Variants in MGLL observed in about 807,000 individuals in gnomAD.
The protein encoded by MGLL is lysophospholipase homolog.
A neutral mutation model predicts 29.1 loss-of-function variants in MGLL; 7 were observed. That is an observed-to-expected ratio of 0.24 (90% CI 0.14 to 0.45). MGLL has a LOEUF of 0.45. MGLL is among the 20% of genes least tolerant of loss of function. The pLI is 0.99. For synonymous variants in MGLL, 148 were observed against 168.3 expected (o/e 0.88, Z 0.93); for missense variants, 356 against 413.6 (o/e 0.86, Z 1.21).
chr3:127,737,892 C>G (rs191181090), intron 3 of MGLL, among the ~76,000 whole-genome samples: 1 of 152,050 alleles, frequency 6.6e-6, no homozygotes, highest in East Asian at 1.9e-4. Flanking sequence ...GATCCCCTGC[C>G]CTAGTCTGGA....
At chr3:127,788,601 G>A (rs2077252247) in intron 2 of MGLL, among the ~76,000 whole-genome samples, 3 of 152,096 alleles carry the variant, frequency 2.0e-5, no homozygotes, top group Non-Finnish European at 4.4e-5. Context: ...AAGACGTGTG[G>A]TTCCTCCACA....
chr3:127,727,424 T>C (rs2076066281), intron 3 of MGLL, among the ~76,000 whole-genome samples: 2 of 152,224 alleles, frequency 1.3e-5, no homozygotes, highest in African/African-American at 2.4e-5. Context: ...TATAAATCAA[T>C]GTTCTGGCTA....
intron 2 of MGLL, among the ~76,000 whole-genome samples, chr3:127,819,375 GAT>G (rs1231441862): frequency 6.6e-6 from 1 of 152,184 alleles, no homozygotes; most frequent in African/African-American, 2.4e-5. Context: ...TGCATAATAA[GAT>G]ATCCACAGGC....
intron 2 of MGLL, among the ~76,000 whole-genome samples, chr3:127,811,591 T>A (rs2077663764): frequency 2.0e-5 from 3 of 152,248 alleles, no homozygotes; most frequent in Admixed American, 2.0e-4. Context: ...CTTCACATAC[T>A]GCCTCTGGGC....
chr3:127,705,776 CAAA>C (rs36125403), intron 6 of MGLL, among the ~76,000 whole-genome samples: 5 of 112,468 alleles, frequency 4.4e-5, no homozygotes, highest in South Asian at 2.9e-4. Context: ...AACTCCATCT[CAAA>C]AAAAAAAAAA....
chr3:127,797,748 T>C (rs1289518685), intron 2 of MGLL, among the ~76,000 whole-genome samples: 3 of 152,116 alleles, frequency 2.0e-5, no homozygotes, highest in Non-Finnish European at 4.4e-5. Context: ...GCTGGGACTA[T>C]AGGCGCGAGC....
chr3:127,807,439 C>G (rs1490649957), intron 2 of MGLL, among the ~76,000 whole-genome samples: 2 of 151,958 alleles, frequency 1.3e-5, no homozygotes, highest in Non-Finnish European at 2.9e-5. Context: ...TTTATTTCCT[C>G]TATTGTTTTC....
intron 6 of MGLL, among the ~76,000 whole-genome samples, chr3:127,703,087 C>T (rs75550900): frequency 0.05 from 7,561 of 152,256 alleles, 219 homozygotes; most frequent in East Asian, 0.12. Context: ...CATAGCCCCG[C>T]CCCACCACTG....
At chr3:127,792,174 C>A (rs2107724339) in intron 2 of MGLL, among the ~76,000 whole-genome samples, 1 of 152,364 alleles carries the variant, frequency 6.6e-6, no homozygotes, top group South Asian at 2.1e-4. Context: ...ATCTATCAAT[C>A]TGGCTTTCAG....
intron 2 of MGLL, among the ~76,000 whole-genome samples, chr3:127,792,111 C>T (rs972273638): frequency 4.6e-5 from 7 of 152,226 alleles, no homozygotes; most frequent in African/African-American, 1.7e-4. Flanking sequence ...CCCCCAGAGG[C>T]CACTCACTAA....
At chr3:127,714,351 T>C (rs188309142) in intron 5 of MGLL, among the ~76,000 whole-genome samples, 327 of 152,270 alleles carry the variant, frequency 2.1e-3, no homozygotes, top group Non-Finnish European at 1.4e-3. Flanking sequence ...TGACTTCCAC[T>C]GCATGCATCC....
intron 5 of MGLL, 51 bp from the exon 6 acceptor site, chr3:127,710,716 C>G: frequency 7.0e-7 from 1 of 1,433,334 alleles, no homozygotes; most frequent in East Asian, 2.5e-5. Context: ...CATCCACACC[C>G]GGCTCTTCCG....
intron 6 of MGLL, among the ~76,000 whole-genome samples, chr3:127,701,997 A>T (rs947526852): frequency 5.3e-5 from 8 of 152,150 alleles, no homozygotes; most frequent in African/African-American, 1.4e-4. Context: ...CAGAGCTGTG[A>T]TAGCAACAGC....
At chr3:127,760,479 C>T (rs2076742680) in intron 3 of MGLL, among the ~76,000 whole-genome samples, 2 of 152,236 alleles carry the variant, frequency 1.3e-5, no homozygotes, top group Non-Finnish European at 2.9e-5. Flanking sequence ...TGGCTCTGTC[C>T]CTCATCCAGG....
intron 3 of MGLL, among the ~76,000 whole-genome samples, chr3:127,727,432 C>T (rs1256955651): frequency 6.6e-6 from 1 of 152,066 alleles, no homozygotes. Context: ...AATGTTCTGG[C>T]TAGGCGCAGT....
intron 3 of MGLL, among the ~76,000 whole-genome samples, chr3:127,738,995 C>T (rs1267321720): frequency 6.6e-6 from 1 of 152,232 alleles, no homozygotes; most frequent in Admixed American, 6.5e-5. Context: ...TAGTAGGCAG[C>T]ATTGAAGATG....
chr3:127,813,954 CCTT>C (rs1358787850), intron 2 of MGLL, among the ~76,000 whole-genome samples: 1 of 151,992 alleles, frequency 6.6e-6, no homozygotes, highest in Non-Finnish European at 1.5e-5. Flanking sequence ...CCTTCCTCCT[CCTT>C]ATTTTTCCCC....
chr3:127,772,075 A>C (rs763273782), intron 3 of MGLL, among the ~76,000 whole-genome samples: 3 of 152,140 alleles, frequency 2.0e-5, no homozygotes, highest in Non-Finnish European at 4.4e-5. Context: ...AAGAAAGAAA[A>C]CCTGCGTTTA....
At chr3:127,720,851 G>T (rs1182142029) in intron 5 of MGLL, among the ~76,000 whole-genome samples, 11 of 152,182 alleles carry the variant, frequency 7.2e-5, no homozygotes, top group African/African-American at 2.4e-4. Context: ...TTGTCTTTTT[G>T]TCTTGGGGGA....
Sources: gnomAD v4.1 joint callset for allele counts (sites outside exome capture counted in the v4.1 genomes callset) on GRCh38, gnomAD v4.1.1 for gene constraint, MANE v1.5 for transcripts, NCBI Gene and HGNC (gene_info 2026-07-23, HGNC 2026-07-21) for gene names.